Variants in CDC73 observed in about 807,000 individuals in gnomAD.
CDC73 encodes cell division cycle 73.
CDC73 carries 21 observed loss-of-function variants against 83.7 expected under a neutral mutation model. The ratio of observed to expected loss-of-function variants is 0.25; its 90% CI spans 0.18 to 0.36. The LOEUF is 0.36. CDC73 is among the 10% of genes least tolerant of loss of function. The pLI is 1.00. For synonymous variants in CDC73, 224 were observed against 212.9 expected, an observed-to-expected ratio of 1.05 and a Z score of -0.45; for missense variants, 342 against 653.3, an observed-to-expected ratio of 0.52 and a Z score of 5.19.
At chr1:193,147,762 G>A (rs1329748763) in intron 7 of CDC73, 105 bp from the exon 8 acceptor site, 6 of 732,276 alleles carry the variant, frequency 8.2e-6, no homozygotes, top group Non-Finnish European at 1.5e-5. Context: ...TATGACATAT[G>A]TAGTAGGGAA....
chr1:193,203,988 T>C, intron 11 of CDC73, 136 bp downstream of exon 11: 1 of 740,240 alleles, frequency 1.4e-6, no homozygotes, highest in Admixed American at 2.1e-5. Flanking sequence ...CTTTGAAGAC[T>C]GTCGATACTG....
intron 10 of CDC73, among the ~76,000 whole-genome samples, chr1:193,202,326 A>G (rs1677105607): frequency 6.7e-6 from 1 of 148,724 alleles, no homozygotes; most frequent in Admixed American, 7.0e-5. Flanking sequence ...ACATGAACTT[A>G]GAGACAAATA....
intron 10 of CDC73, among the ~76,000 whole-genome samples, chr1:193,177,586 G>A (rs1415527636): frequency 6.6e-6 from 1 of 151,068 alleles, no homozygotes; most frequent in Admixed American, 6.6e-5. Context: ...TGCTTTACTA[G>A]CTGTGTGATC....
At chr1:193,181,156 A>C in intron 10 of CDC73, 1 of 1,613,928 alleles carries the variant, frequency 6.2e-7, no homozygotes, top group African/African-American at 1.3e-5. Context: ...AATATATTTG[A>C]AATGGTAAGA....
intron 3 of CDC73, among the ~76,000 whole-genome samples, chr1:193,131,195 C>G (rs1230148911): frequency 6.6e-6 from 1 of 152,126 alleles, no homozygotes; most frequent in African/African-American, 2.4e-5. Context: ...GCCTGATTCC[C>G]TCTTTCCCTT....
At chr1:193,201,773 CT>C (rs1558308993) in intron 10 of CDC73, among the ~76,000 whole-genome samples, 1 of 151,902 alleles carries the variant, frequency 6.6e-6, no homozygotes, top group African/African-American at 2.4e-5. Flanking sequence ...ATGCTTATAC[CT>C]TTTGCCTGAC....
At chr1:193,190,539 G>A (rs1676901930) in intron 10 of CDC73, among the ~76,000 whole-genome samples, 1 of 152,190 alleles carries the variant, frequency 6.6e-6, no homozygotes, top group Non-Finnish European at 1.5e-5. Flanking sequence ...AGCAATCTCA[G>A]AATGACCACA....
Position 193,142,987 on chromosome 1 carries a change from G to C in CDC73, c.729+921G>C, listed in dbSNP as rs546525606. ...CACAGTTGTTAATAATGATGATCTAGTAAGAATGTTGAAGTGTGCAAAGTT... is the reference window on the plus strand; with the variant it reads ...CACAGTTGTTAATAATGATGATCTACTAAGAATGTTGAAGTGTGCAAAGTT... On this transcript the variant is annotated intron_variant, in intron 7 of 16. Transcript: ENST00000367435. 4.6e-5 allele frequency among the ~76,000 whole-genome samples: 7 copies of C among 152,224 alleles called. 1 individual carries two copies. In the South Asian group the frequency reaches 8.3e-4, roughly 18 times the overall value.
intron 14 of CDC73, 140 bp downstream of exon 14, chr1:193,233,294 C>T (rs561031070): frequency 4.0e-6 from 3 of 755,396 alleles, no homozygotes; most frequent in African/African-American, 1.7e-5. Flanking sequence ...CTCCTGGGCT[C>T]TGTCAGTCCT....
In CDC73 at chr1:193,253,136, A is replaced by G; in HGVS notation, c.*2424A>G. 4.3e-6 allele frequency: 1 copy of G among 232,336 alleles called. No homozygotes were observed. Among genetic ancestry groups the G allele is most frequent in the East Asian group, 6.1e-5 (1 of 16,464 alleles). 14.4% of individuals were successfully genotyped at this position (232,336 alleles called of 1,614,324 possible). On this transcript the variant is annotated 3_prime_UTR_variant, in exon 17 of 17. Coordinates refer to ENST00000367435, the MANE Select transcript of CDC73 (RefSeq NM_024529.5). Reference sequence around the variant, plus strand: ...CTTCTCAGTCAAGGAACAGTAAGAAATATGTAGGTTTCAATCAGTTGCTCT... The same window carrying G: ...CTTCTCAGTCAAGGAACAGTAAGAAGTATGTAGGTTTCAATCAGTTGCTCT...
At chr1:193,204,227 G>GTATATATACA (rs1677143676) in intron 11 of CDC73, among the ~76,000 whole-genome samples, 1 of 12,294 alleles carries the variant, frequency 8.1e-5, no homozygotes, top group Non-Finnish European at 2.0e-4. Context: ...GTATATATAT[G>GTATATATACA]TATATATACA....
At chr1:193,193,503 C>T (rs1676951696) in intron 10 of CDC73, among the ~76,000 whole-genome samples, 2 of 152,088 alleles carry the variant, frequency 1.3e-5, no homozygotes, top group Admixed American at 1.3e-4. Flanking sequence ...TTTGATTTCT[C>T]ATGCATTTCC....
chr1:193,244,352 A>T (rs564267805), intron 15 of CDC73, among the ~76,000 whole-genome samples: 29 of 152,316 alleles, frequency 1.9e-4, no homozygotes, highest in African/African-American at 6.5e-4. Flanking sequence ...GCTTACTATC[A>T]CATGTGGAAT....
Position 193,236,958 on chromosome 1 carries a change from T to G in CDC73, c.1417+602T>G, listed in dbSNP as rs191480892. 7 of 151,862 alleles carry G rather than the reference T, an allele frequency of 4.6e-5. No homozygotes were observed. The East Asian group carries it at 1.2e-3, about 25-fold the overall frequency. 9.4% of individuals were successfully genotyped at this position (151,862 alleles called of 1,614,324 possible). A position where few individuals can be genotyped will look rare whatever the true frequency, so the allele number is the denominator to read the frequency against. On this transcript the variant is annotated intron_variant, in intron 15 of 16. Transcript: ENST00000367435. ...AAATTGATGCCAGTTTTTTTTTTTT[T>G]TTTTAGACGGAGTCTGGCTCTGTCG...
intron 13 of CDC73, among the ~76,000 whole-genome samples, chr1:193,213,735 A>T (rs753205816): frequency 6.6e-6 from 1 of 152,138 alleles, no homozygotes; most frequent in Non-Finnish European, 1.5e-5. Context: ...ACTGTTGCTC[A>T]CTAATCTTAA....
At chr1:193,234,907 A>T (rs201062897) in intron 14 of CDC73, among the ~76,000 whole-genome samples, 10 of 152,138 alleles carry the variant, frequency 6.6e-5, no homozygotes, top group Admixed American at 2.0e-4. Context: ...ATTTTTTTTA[A>T]TTTTTTATTT....
At position 193,122,348 on chromosome 1, in the gene CDC73, T is replaced by A; in HGVS notation, c.131+17T>A. ...TGTTTGGGGGTAAGTCCGGCATGGCTGTGGCCCAGGGGTGGCAGGGCAGAG... is the reference window on the plus strand; with the variant it reads ...TGTTTGGGGGTAAGTCCGGCATGGCAGTGGCCCAGGGGTGGCAGGGCAGAG... On this transcript the variant is annotated intron_variant, in intron 1 of 16. Transcript: ENST00000367435. 2 of 1,613,968 alleles carry A rather than the reference T, an allele frequency of 1.2e-6. No individual in the cohort carries two copies. The highest frequency in any genetic ancestry group is 1.3e-5 in the African/African-American group (1 of 75,056).
intron 15 of CDC73, among the ~76,000 whole-genome samples, chr1:193,249,293 G>A (rs1678005451): frequency 6.6e-6 from 1 of 151,994 alleles, no homozygotes; most frequent in African/African-American, 2.4e-5. Context: ...GATGTACACT[G>A]TTTTTTAGAC....
At chr1:193,158,502 T>TA (rs58072960) in intron 10 of CDC73, among the ~76,000 whole-genome samples, 93,230 of 149,462 alleles carry the variant, frequency 0.62, 29,279 homozygotes, top group South Asian at 0.77. Flanking sequence ...TCTCTAAAAA[T>TA]AAAAAAAAAA....
Sources: gnomAD v4.1 joint callset for allele counts (sites outside exome capture counted in the v4.1 genomes callset) on GRCh38, gnomAD v4.1.1 for gene constraint, MANE v1.5 for transcripts, NCBI Gene and HGNC (gene_info 2026-07-23, HGNC 2026-07-21) for gene names.